The following DNAI7 variants were observed in gnomAD, a reference collection of about 807,000 sequenced individuals.
DNAI7 encodes cancer susceptibility 1.
In DNAI7, 78 loss-of-function variants were observed where a neutral mutation model predicts 86.6. The observed-to-expected ratio is 0.90, with a 90% CI of 0.75 to 1.09. DNAI7 has a LOEUF of 1.09. Among genes scored for constraint, DNAI7 ranks in the 50% least tolerant of loss-of-function variants. The pLI is 0.00. For synonymous variants in DNAI7, 274 were observed against 273.0 expected (o/e 1.00, Z -0.04); for missense variants, 753 against 810.2 (o/e 0.93, Z 0.86).
At chr12:25,190,771 T>G in intron 1 of DNAI7, 140 bp from the exon 2 acceptor site, 1 of 406,238 alleles carries the variant, frequency 2.5e-6, no homozygotes, top group South Asian at 8.5e-5. Context: ...TTTGTAACTT[T>G]CCTTGCAAAT....
intron 13 of DNAI7, among the ~76,000 whole-genome samples, chr12:25,112,268 C>T (rs1939001726): frequency 1.3e-5 from 2 of 152,002 alleles, no homozygotes; most frequent in African/African-American, 4.8e-5. Flanking sequence ...TATTAGATAA[C>T]AATTATGATT....
rs149098559 is a variant in DNAI7 at position 25,173,805 on chromosome 12, C to T, written c.22-12608G>A. On this transcript the variant is annotated intron_variant, in intron 2 of 15. Coordinates refer to ENST00000395987, the MANE Select transcript of DNAI7 (RefSeq NM_018272.5). ...TACACACATCATATATATACACACA[C>T]ATCATATATATACATCATATATATA... Among the ~76,000 whole-genome samples, 40 of 150,604 alleles carry T rather than the reference C, an allele frequency of 2.7e-4. 1 individual carries two copies. The East Asian group carries it at 7.8e-3, about 29-fold the overall frequency.
intron 9 of DNAI7, among the ~76,000 whole-genome samples, chr12:25,133,587 A>G (rs935174558): frequency 1.8e-4 from 27 of 151,966 alleles, no homozygotes; most frequent in Admixed American, 1.4e-3. Flanking sequence ...GGCACACCTC[A>G]CCAATACTAT....
At chr12:25,143,576 G>A (rs375934449) in intron 9 of DNAI7, among the ~76,000 whole-genome samples, 4 of 152,094 alleles carry the variant, frequency 2.6e-5, no homozygotes, top group South Asian at 2.1e-4. Flanking sequence ...AATAAATCAC[G>A]TGTTCTTAGA....
At chr12:25,112,945 G>A (rs573483796) in intron 13 of DNAI7, among the ~76,000 whole-genome samples, 1 of 152,248 alleles carries the variant, frequency 6.6e-6, no homozygotes, top group African/African-American at 2.4e-5. Flanking sequence ...CTACTAACCT[G>A]AAAACGCACA....
In DNAI7 at chr12:25,174,422, TATATC is replaced by T. The variant is rs1948594620; in HGVS notation, c.22-13230_22-13226del. Among the ~76,000 whole-genome samples the T allele has an allele frequency of 1.5e-4, 6 of 40,932 alleles. 2 individuals are homozygous for T. Among genetic ancestry groups the T allele is most frequent in the African/African-American group, 5.4e-4 (6 of 11,020 alleles). 26.9% of individuals were successfully genotyped at this position (40,932 alleles called of 152,430 possible). A position where few individuals can be genotyped will look rare whatever the true frequency, so the allele number is the denominator to read the frequency against. On this transcript the variant is annotated intron_variant, in intron 2 of 15. Coordinates refer to ENST00000395987, the MANE Select transcript of DNAI7 (RefSeq NM_018272.5). ...ATATATATGGGATATATGGGATATA[TATATC>T]ATATATATCATATATATGGGATATA...
At chr12:25,156,687 G>A (rs1239942584) in intron 4 of DNAI7, among the ~76,000 whole-genome samples, 1 of 151,944 alleles carries the variant, frequency 6.6e-6, no homozygotes, top group African/African-American at 2.4e-5. Flanking sequence ...GTTGCAGTGA[G>A]CCGAGATTAT....
chr12:25,145,613 T>C (rs1944727344), intron 8 of DNAI7, among the ~76,000 whole-genome samples: 1 of 152,202 alleles, frequency 6.6e-6, no homozygotes, highest in African/African-American at 2.4e-5. Flanking sequence ...TCATAGCAAA[T>C]GGAAGGAACT....
intron 11 of DNAI7, 27 bp downstream of exon 11, chr12:25,121,726 T>C (rs1338453747): frequency 6.4e-7 from 1 of 1,566,294 alleles, no homozygotes; most frequent in African/African-American, 1.4e-5. Flanking sequence ...ATTTTACTTA[T>C]AAGTTTTGAT....
intron 12 of DNAI7, among the ~76,000 whole-genome samples, chr12:25,117,309 G>A (rs1940319383): frequency 6.6e-6 from 1 of 152,166 alleles, no homozygotes; most frequent in Non-Finnish European, 1.5e-5. Flanking sequence ...AAACAAAAAT[G>A]TAGAGCACCA....
At chr12:25,145,360 C>T (rs1944693910) in intron 8 of DNAI7, among the ~76,000 whole-genome samples, 1 of 152,176 alleles carries the variant, frequency 6.6e-6, no homozygotes, top group East Asian at 1.9e-4. Flanking sequence ...ACAACCCCCA[C>T]CCCAATCACC....
rs61740735 is a variant in DNAI7 at position 25,161,200 on chromosome 12, T to G, written c.22-3A>C. On this transcript the variant is annotated splice_polypyrimidine_tract_variant and splice_region_variant and intron_variant, in intron 2 of 15. Transcript: ENST00000395987. The stretch of plus-strand genomic sequence containing the variant: ...ACTTTCTTTTTCTTACTGCCAGACT[T>G]AACAAAGGCCACATCATAAAAAAGG... The G allele has an allele frequency of 5.1e-5, 82 of 1,612,786 alleles. 1 individual carries two copies. In the African/African-American group the frequency reaches 1.0e-3, roughly 20 times the overall value.
At chr12:25,157,030 T>C (rs559994959) in intron 4 of DNAI7, among the ~76,000 whole-genome samples, 25 of 152,286 alleles carry the variant, frequency 1.6e-4, no homozygotes, top group Admixed American at 1.1e-3. Flanking sequence ...GGCTCACACC[T>C]GTAATCCCAG....
intron 9 of DNAI7, among the ~76,000 whole-genome samples, chr12:25,136,074 T>C (rs1469413569): frequency 6.6e-6 from 1 of 152,184 alleles, no homozygotes; most frequent in Non-Finnish European, 1.5e-5. Context: ...CGCCACCTCC[T>C]GGCTGAAGGC....
At chr12:25,145,366 T>C (rs1944694507) in intron 8 of DNAI7, among the ~76,000 whole-genome samples, 1 of 152,124 alleles carries the variant, frequency 6.6e-6, no homozygotes, top group African/African-American at 2.4e-5. Context: ...CCCACCCCAA[T>C]CACCATCAAA....
chr12:25,161,448 A>G (rs1946828771), intron 2 of DNAI7, among the ~76,000 whole-genome samples: 1 of 152,228 alleles, frequency 6.6e-6, no homozygotes, highest in African/African-American at 2.4e-5. Context: ...AGTACATGCA[A>G]TTTAAATAAT....
At chr12:25,136,698 T>C (rs374812534) in intron 9 of DNAI7, among the ~76,000 whole-genome samples, 2 of 151,778 alleles carry the variant, frequency 1.3e-5, no homozygotes, top group African/African-American at 4.8e-5. Context: ...TCCAGAGAAA[T>C]AGATAGCATA....
intron 9 of DNAI7, 45 bp downstream of exon 9, chr12:25,144,320 C>T: frequency 6.8e-7 from 1 of 1,463,284 alleles, no homozygotes; most frequent in Non-Finnish European, 9.4e-7. Context: ...TCTAATAACG[C>T]ATGCTGCATG....
downstream of DNAI7, chr12:25,107,093 G>T: frequency 8.8e-7 from 1 of 1,139,306 alleles, no homozygotes; most frequent in South Asian, 1.3e-5. Flanking sequence ...TAGTGGAATG[G>T]GAAAGGGTGA....
Sources: allele counts gnomAD v4.1 joint callset (sites outside exome capture counted in the v4.1 genomes callset), GRCh38; gene constraint gnomAD v4.1.1; transcripts MANE v1.5; gene names NCBI Gene and HGNC (gene_info 2026-07-23, HGNC 2026-07-21).